MAX: variants seen among roughly 807,000 people sequenced by gnomAD.
MAX encodes protein max.
In MAX, 3 loss-of-function variants were observed where a neutral mutation model predicts 22.3. The observed-to-expected ratio is 0.13, with a 90% CI of 0.06 to 0.35. The LOEUF (loss-of-function observed/expected upper bound fraction) is 0.35, where lower values mean the gene tolerates loss of function less well. Ranked by LOEUF, MAX falls within the 10% of genes least tolerant of loss-of-function variation. The pLI is 1.00. For synonymous variants in MAX, 72 were observed against 77.7 expected (o/e 0.93, Z 0.39); for missense variants, 119 against 209.4 (o/e 0.57, Z 2.66).
At chr14:65,041,726 C>T (rs1283378411) in intron 3 of MAX, among the ~76,000 whole-genome samples, 1 of 152,172 alleles carries the variant, frequency 6.6e-6, no homozygotes, top group East Asian at 1.9e-4. Context: ...CAGAAAGCCT[C>T]CCCCGGTGTA....
chr14:65,039,762 C>CCAT (rs1202512809), intron 3 of MAX, among the ~76,000 whole-genome samples: 2 of 152,112 alleles, frequency 1.3e-5, no homozygotes, highest in Non-Finnish European at 2.9e-5. Flanking sequence ...GTTTAAGAAG[C>CCAT]CATCACCACC....
chr14:65,019,009 T>G (rs1370053097), intron 3 of MAX, among the ~76,000 whole-genome samples: 2 of 151,698 alleles, frequency 1.3e-5, no homozygotes, highest in Non-Finnish European at 2.9e-5. Context: ...AGGAGGCTGT[T>G]TGTTTGTTTT....
intron 3 of MAX, among the ~76,000 whole-genome samples, chr14:65,020,448 GAGA>G (rs2061863913): frequency 6.7e-6 from 1 of 150,292 alleles, no homozygotes; most frequent in African/African-American, 2.4e-5. Flanking sequence ...TTTTTTTTTT[GAGA>G]GTCTCGCTCT....
At chr14:65,086,052 G>A (rs1421912160) in intron 3 of MAX, among the ~76,000 whole-genome samples, 1 of 152,180 alleles carries the variant, frequency 6.6e-6, no homozygotes, top group Non-Finnish European at 1.5e-5. Context: ...CGTGAGAGCT[G>A]ATGGTTTTAA....
Position 65,027,627 on chromosome 14 carries a change from A to G in MAX, c.172-21343T>C, listed in dbSNP as rs1450596115. 6.8e-6 allele frequency: 11 copies of G among 1,613,900 alleles called. No homozygotes were observed. The South Asian group carries it at 1.2e-4, about 18-fold the overall frequency. On this transcript the variant is annotated intron_variant, in intron 3 of 3. Coordinates refer to the MAX transcript ENST00000341653. This position sits in a 1 kb window ranked among gnomAD's most constrained non-coding sequence, Gnocchi z 5.7. ...ACAGTGAAAGCCAGCAGTGACAGAA[A>G]CCTAGAGGAGTTCCCCGCCTGCTGA... is the stretch of plus-strand genomic sequence containing the variant.
rs2296321 is a variant in MAX, at chr14:65,044,248, T to C, written c.172-37964A>G. ...ATCCCACAGATTGACTCCTGGAGAT[T>C]CTGTCGGGCTGGATTTTGTCTCTTT... On this transcript the variant is annotated intron_variant, in intron 3 of 3. Coordinates refer to the MAX transcript ENST00000341653. The surrounding 1 kb of genome is among the most constrained non-coding windows in gnomAD (Gnocchi z 5.5). 9,921 of 1,606,608 alleles carry C rather than the reference T, an allele frequency of 6.2e-3. 307 individuals carry two copies. In the East Asian group the frequency reaches 0.11, roughly 17 times the overall value.
rs1224856086 is a variant in MAX, at chr14:65,082,039, CTAAG to C, written c.172-4007_172-4004del. ...AGCACTAACACTTACTGAGTACTTACTAAGTGTCAGGCATCCTCACACAACCTTC... is the reference window on the plus strand; with the variant it reads ...AGCACTAACACTTACTGAGTACTTACTGTCAGGCATCCTCACACAACCTTC... On this transcript the variant is annotated intron_variant, in intron 3 of 4. Coordinates refer to ENST00000358664, the MANE Select transcript of MAX (RefSeq NM_002382.5). This position sits in a 1 kb window ranked among gnomAD's most constrained non-coding sequence, Gnocchi z 4.8. 6.6e-6 allele frequency: 1 copy of C among 152,180 alleles called. No individual in the cohort carries two copies. The highest frequency in any genetic ancestry group is 1.5e-5 in the Non-Finnish European group (1 of 68,028). 9.4% of individuals were successfully genotyped at this position (152,180 alleles called of 1,614,324 possible).
intron 3 of MAX, among the ~76,000 whole-genome samples, chr14:65,034,031 G>A (rs962589437): frequency 6.6e-6 from 1 of 152,108 alleles, no homozygotes; most frequent in Admixed American, 6.6e-5. Context: ...TTACTTTTTT[G>A]TATGAGTTTC....
chr14:65,037,467 A>ATGTGTCTCCCAGATTGGAGTGCAGTGAG (rs1279018673), intron 3 of MAX, among the ~76,000 whole-genome samples: 20 of 55,404 alleles, frequency 3.6e-4, no homozygotes, highest in Non-Finnish European at 5.7e-4. Flanking sequence ...TTTTTGTTTT[A>ATGTGTCTCCCAGATTGGAGTGCAGTGAG]TGTGTCTCCC....
intron 3 of MAX, among the ~76,000 whole-genome samples, chr14:65,063,648 T>A (rs2062900562): frequency 6.6e-6 from 1 of 152,190 alleles, no homozygotes; most frequent in African/African-American, 2.4e-5. Context: ...CACTGCAGCC[T>A]CGACCTCCTG....
chr14:65,046,715 G>C (rs1043010127), intron 3 of MAX, among the ~76,000 whole-genome samples: 2 of 152,098 alleles, frequency 1.3e-5, no homozygotes, highest in African/African-American at 4.8e-5. Context: ...AGTCAAAAGG[G>C]GATGCAGTGT....
chr14:65,068,191 T>C (rs921967753), intron 3 of MAX, among the ~76,000 whole-genome samples: 2 of 152,048 alleles, frequency 1.3e-5, no homozygotes, highest in Non-Finnish European at 2.9e-5. Flanking sequence ...TCCCAGCACT[T>C]TGGCAGGCTG....
intron 3 of MAX, among the ~76,000 whole-genome samples, chr14:65,080,497 G>A (rs1476989570): frequency 6.6e-6 from 1 of 152,166 alleles, no homozygotes; most frequent in Non-Finnish European, 1.5e-5. Context: ...TTGATAAGAG[G>A]TGGTAGAGTG....
intron 3 of MAX, among the ~76,000 whole-genome samples, chr14:65,015,153 A>G (rs1814145602): frequency 6.8e-6 from 1 of 147,832 alleles, no homozygotes; most frequent in Non-Finnish European, 1.5e-5. Context: ...CCTAGGCTGG[A>G]GTGCAGTGGT....
Position 65,027,373 on chromosome 14 carries a change from G to C in MAX, c.172-21089C>G, listed in dbSNP as rs916942945. The C allele has an allele frequency of 1.9e-6, 3 of 1,577,902 alleles. No individual in the cohort carries two copies. The highest frequency in any genetic ancestry group is 2.6e-6 in the Non-Finnish European group (3 of 1,161,918). ...TGAGGGAGTGGGGGATCATTGGAAAGGCCTGGAATCTAGTGGGAATTTGGT... is the reference window on the plus strand; with the variant it reads ...TGAGGGAGTGGGGGATCATTGGAAACGCCTGGAATCTAGTGGGAATTTGGT... On this transcript the variant is annotated intron_variant, in intron 3 of 3. Transcript: ENST00000341653. The surrounding 1 kb of genome is among the most constrained non-coding windows in gnomAD (Gnocchi z 5.7).
At chr14:65,092,780 G>A (rs2063547025) in intron 3 of MAX, among the ~76,000 whole-genome samples, 1 of 152,132 alleles carries the variant, frequency 6.6e-6, no homozygotes. Context: ...ATTTGATCTT[G>A]GATAACCAAA....
In MAX at chr14:65,054,285, A is replaced by G. The variant is rs1213941951; in HGVS notation, c.171+39423T>C. ...CGGCCACCACACCTAGCTAATTTTTAATTTTTTGTAGAGACGGGGTCTCCC... is the reference window on the plus strand; with the variant it reads ...CGGCCACCACACCTAGCTAATTTTTGATTTTTTGTAGAGACGGGGTCTCCC... On this transcript the variant is annotated intron_variant, in intron 3 of 3. Transcript: ENST00000341653. This position sits in a 1 kb window ranked among gnomAD's most constrained non-coding sequence, Gnocchi z 4.4. Among the ~76,000 whole-genome samples the G allele has an allele frequency of 6.6e-6, 1 of 151,782 alleles. No homozygotes were observed. The highest frequency in any genetic ancestry group is 1.5e-5 in the Non-Finnish European group (1 of 67,960).
chr14:65,033,082 C>T (rs1179633078), intron 3 of MAX, among the ~76,000 whole-genome samples: 2 of 152,016 alleles, frequency 1.3e-5, no homozygotes, highest in Non-Finnish European at 2.9e-5. Flanking sequence ...TTTATAAGAG[C>T]CAAAAGCTGA....
chr14:65,073,522 C>G (rs1007210054), downstream of MAX, among the ~76,000 whole-genome samples: 1 of 152,204 alleles, frequency 6.6e-6, no homozygotes, highest in Non-Finnish European at 1.5e-5. Context: ...GCACGCTTAA[C>G]AGACTCCTCA....
Sources: gnomAD v4.1 joint callset for allele counts (sites outside exome capture counted in the v4.1 genomes callset) on GRCh38, gnomAD v4.1.1 for gene constraint, Gnocchi (gnomAD v3.1) non-coding constraint, MANE v1.5 for transcripts, NCBI Gene and HGNC (gene_info 2026-07-23, HGNC 2026-07-21) for gene names.